GUCY1A2: variants seen among roughly 807,000 people sequenced by gnomAD.
GUCY1A2 encodes the protein guanylate cyclase soluble subunit alpha-2.
In GUCY1A2, 27 loss-of-function variants were observed where a neutral mutation model predicts 63.5. The observed-to-expected ratio is 0.43, with a 90% CI of 0.31 to 0.59. The LOEUF (loss-of-function observed/expected upper bound fraction) is 0.59, where lower values mean the gene tolerates loss of function less well. Among genes scored for constraint, GUCY1A2 ranks in the 20% least tolerant of loss-of-function variants. The pLI is 0.11. For missense variants in GUCY1A2, 768 were observed against 913.3 expected (o/e 0.84, Z 2.05); for synonymous variants, 364 against 343.5 (o/e 1.06, Z -0.66).
intron 6 of GUCY1A2, among the ~76,000 whole-genome samples, chr11:106,729,355 TTG>T (rs1863460841): frequency 6.6e-6 from 1 of 152,124 alleles, no homozygotes; most frequent in Non-Finnish European, 1.5e-5. Context: ...AATTACCTGT[TTG>T]TGTAAAAAGC....
chr11:106,684,372 GTCT>G lies in GUCY1A2; in HGVS notation c.*3174_*3176del, dbSNP rs1237300021. On this transcript the variant is annotated 3_prime_UTR_variant, in exon 8 of 8. Coordinates refer to ENST00000526355, the MANE Select transcript of GUCY1A2 (RefSeq NM_000855.3). ...GGGTCCCATGTTACCTGGAAGCTAT[GTCT>G]TCTTCCCCTTCTCTACGTTATATAG... is the stretch of plus-strand genomic sequence containing the variant. The G allele has an allele frequency of 5.2e-6, 1 of 191,168 alleles. No homozygotes were observed. Among genetic ancestry groups the G allele is most frequent in the African/African-American group, 2.3e-5 (1 of 42,988 alleles). 11.8% of individuals were successfully genotyped at this position (191,168 alleles called of 1,614,324 possible).
At chr11:107,017,201 A>G (rs1314242323) in intron 1 of GUCY1A2, among the ~76,000 whole-genome samples, 1 of 152,230 alleles carries the variant, frequency 6.6e-6, no homozygotes, top group African/African-American at 2.4e-5. Context: ...GGCAAAAAGT[A>G]TCTGAAGATG....
At chr11:106,756,580 G>A (rs904132350) in intron 6 of GUCY1A2, among the ~76,000 whole-genome samples, 1 of 152,122 alleles carries the variant, frequency 6.6e-6, no homozygotes, top group African/African-American at 2.4e-5. Context: ...TGTCTGTAAA[G>A]GATTTTATTT....
chr11:106,936,102 C>T (rs904733315), intron 4 of GUCY1A2, among the ~76,000 whole-genome samples: 1 of 152,130 alleles, frequency 6.6e-6, no homozygotes, highest in East Asian at 1.9e-4. Context: ...GAGAAGGAAG[C>T]TATGTGCTAT....
chr11:106,954,181 T>C (rs1455077868), intron 3 of GUCY1A2, among the ~76,000 whole-genome samples: 1 of 152,202 alleles, frequency 6.6e-6, no homozygotes, highest in Non-Finnish European at 1.5e-5. Context: ...TAACACTGTT[T>C]TAGCTATGTT....
At chr11:106,811,625 T>G (rs1463685425) in intron 4 of GUCY1A2, among the ~76,000 whole-genome samples, 1 of 152,090 alleles carries the variant, frequency 6.6e-6, no homozygotes, top group Admixed American at 6.6e-5. Flanking sequence ...GTCATTAATA[T>G]TTTTACTTTT....
Position 106,944,796 on chromosome 11 carries a change from A to G in GUCY1A2, c.488-4618T>C, listed in dbSNP as rs181834495. ...CCTAGTAACCACATCTAACAAGTGC[A>G]GTATCATAAACATACACTACAAAAC... On this transcript the variant is annotated intron_variant, in intron 3 of 7. Coordinates refer to ENST00000526355, the MANE Select transcript of GUCY1A2 (RefSeq NM_000855.3). Among the ~76,000 whole-genome samples the G allele has an allele frequency of 2.6e-5, 4 of 152,336 alleles. No homozygotes were observed. The East Asian group carries it at 7.7e-4, about 29-fold the overall frequency.
rs1861850268 is a variant in GUCY1A2 at position 107,017,952 on chromosome 11, C to A, written c.104G>T (p.Cys35Phe). 4 of 1,387,998 alleles carry A rather than the reference C, an allele frequency of 2.9e-6. No individual in the cohort carries two copies. The highest frequency in any genetic ancestry group is 2.4e-5 in the Admixed American group (1 of 41,010). 86.0% of individuals were successfully genotyped at this position (1,387,998 alleles called of 1,614,324 possible). Residue 35 changes from cysteine to phenylalanine, a missense_variant, in exon 1 of 8, where the codon TGC (cysteine) becomes TTC (phenylalanine). Physicochemically the swap from Cys to Phe is radical, Grantham distance 205 (BLOSUM62 -2). Coordinates refer to ENST00000526355, the MANE Select transcript of GUCY1A2 (RefSeq NM_000855.3). ...EEGECPLSRL[C>F]WNGSRSPPGP... Reference sequence around the variant, plus strand: ...GGGCGGGCTCCGGCTGCCATTCCAGCAGAGCCTAGACAGGGGGCACTCCCC... The same window carrying A: ...GGGCGGGCTCCGGCTGCCATTCCAGAAGAGCCTAGACAGGGGGCACTCCCC...
chr11:106,900,195 ATTATT>A (rs1345483971), intron 4 of GUCY1A2, among the ~76,000 whole-genome samples: 3 of 151,852 alleles, frequency 2.0e-5, no homozygotes, highest in Non-Finnish European at 2.9e-5. Context: ...TATTGTTATT[ATTATT>A]TTGAGACAGG....
intron 1 of GUCY1A2, among the ~76,000 whole-genome samples, chr11:106,989,734 A>G (rs1376023239): frequency 6.6e-6 from 1 of 152,172 alleles, no homozygotes; most frequent in African/African-American, 2.4e-5. Context: ...ATTCAGAAAA[A>G]TGGCAGCCAG....
chr11:106,950,649 C>T (rs750309831), intron 3 of GUCY1A2, among the ~76,000 whole-genome samples: 1 of 152,104 alleles, frequency 6.6e-6, no homozygotes, highest in Non-Finnish European at 1.5e-5. Flanking sequence ...TGATGACTAG[C>T]CCTGTTCAAA....
chr11:106,999,590 T>A (rs982018228), intron 1 of GUCY1A2, among the ~76,000 whole-genome samples: 6 of 152,216 alleles, frequency 3.9e-5, no homozygotes, highest in Non-Finnish European at 7.3e-5. Context: ...TATTTGTAGA[T>A]CCTTATTAGC....
At chr11:106,740,226 C>T (rs1202820716) in intron 6 of GUCY1A2, among the ~76,000 whole-genome samples, 1 of 152,000 alleles carries the variant, frequency 6.6e-6, no homozygotes, top group Non-Finnish European at 1.5e-5. Context: ...TCTCAAACTC[C>T]TCACCTCAGG....
chr11:106,815,996 G>T (rs1212287407), intron 4 of GUCY1A2, among the ~76,000 whole-genome samples: 1 of 151,938 alleles, frequency 6.6e-6, no homozygotes, highest in Non-Finnish European at 1.5e-5. Flanking sequence ...GACTATGAAA[G>T]AATAAATTTA....
At chr11:106,872,209 C>G (rs184433274) in intron 4 of GUCY1A2, among the ~76,000 whole-genome samples, 1 of 152,044 alleles carries the variant, frequency 6.6e-6, no homozygotes, top group Non-Finnish European at 1.5e-5. Context: ...ATCATCTGCA[C>G]GATTACAGGA....
intron 2 of GUCY1A2, among the ~76,000 whole-genome samples, chr11:106,980,796 G>A (rs2510596): frequency 0.15 from 23,127 of 152,140 alleles, 2,106 homozygotes; most frequent in South Asian, 0.26. Flanking sequence ...AACCAGTTAG[G>A]CAAAATGCTT....
At position 106,932,039 on chromosome 11, in the gene GUCY1A2, G is replaced by C. The variant is rs149344908; in HGVS notation, c.1206+7421C>G. Among the ~76,000 whole-genome samples, 152 of 151,824 alleles carry C rather than the reference G, an allele frequency of 1.0e-3. 4 individuals carry two copies. The East Asian group carries it at 0.019, about 19-fold the overall frequency. ...AAAACATGTATTTTTTTTTCACTGAGACTTAAAGCTACTGGCTAAAATGAT... is the reference window on the plus strand; with the variant it reads ...AAAACATGTATTTTTTTTTCACTGACACTTAAAGCTACTGGCTAAAATGAT... On this transcript the variant is annotated intron_variant, in intron 4 of 7. Coordinates refer to ENST00000526355, the MANE Select transcript of GUCY1A2 (RefSeq NM_000855.3).
Position 106,942,846 on chromosome 11 carries a change from C to T in GUCY1A2, c.488-2668G>A, listed in dbSNP as rs1409332332. The stretch of plus-strand genomic sequence containing the variant: ...AATCTATCAACTAGAAAGCCTGCTG[C>T]TTTATAAAGGACCTCTGTACTTTAA... On this transcript the variant is annotated intron_variant, in intron 3 of 7. Coordinates refer to ENST00000526355, the MANE Select transcript of GUCY1A2 (RefSeq NM_000855.3). Among the ~76,000 whole-genome samples, 3 of 152,022 alleles carry T rather than the reference C, an allele frequency of 2.0e-5. No individual in the cohort carries two copies. The East Asian group carries it at 5.8e-4, about 29-fold the overall frequency.
At chr11:106,952,147 A>T (rs951286631) in intron 3 of GUCY1A2, among the ~76,000 whole-genome samples, 2 of 152,152 alleles carry the variant, frequency 1.3e-5, no homozygotes, top group Admixed American at 6.5e-5. Flanking sequence ...GTAGCCTCGT[A>T]GTATACTTTG....
Sources: allele counts gnomAD v4.1 joint callset (sites outside exome capture counted in the v4.1 genomes callset), GRCh38; gene constraint gnomAD v4.1.1; transcripts MANE v1.5; gene names NCBI Gene and HGNC (gene_info 2026-07-23, HGNC 2026-07-21).